DICER1: variants seen among roughly 807,000 people sequenced by gnomAD.
DICER1 encodes dicer 1, ribonuclease III.
A neutral mutation model predicts 194.1 loss-of-function variants in DICER1; 43 were observed. The ratio of observed to expected loss-of-function variants is 0.22; its 90% confidence interval spans 0.17 to 0.29. DICER1 has a LOEUF of 0.29. Among genes scored for constraint, DICER1 ranks in the 10% least tolerant of loss-of-function variants. The pLI is 1.00. For synonymous variants in DICER1, 832 were observed against 820.5 expected (o/e 1.01, Z -0.24); for missense variants, 1,608 against 2,317.0 (o/e 0.69, Z 6.28).
Position 95,108,515 on chromosome 14 carries a change from A to G in DICER1, c.2257-12T>C, listed in dbSNP as rs1566778201. ...AAACACTCTGGAATCTAGAGTTGGA[A>G]AGGAAAATTAAGCGTCATGCTCAAG... On this transcript the variant is annotated splice_polypyrimidine_tract_variant and intron_variant, in intron 14 of 26. Transcript: ENST00000343455. 6.2e-7 allele frequency: 1 copy of G among 1,612,562 alleles called. No homozygotes were observed. Among genetic ancestry groups the G allele is most frequent in the East Asian group, 2.2e-5 (1 of 44,864 alleles).
chr14:95,156,813 CAGGG>C (rs1895906758), intron 1 of DICER1, among the ~76,000 whole-genome samples: 1 of 152,150 alleles, frequency 6.6e-6, no homozygotes, highest in Admixed American at 6.5e-5. Flanking sequence ...AGGAGGGCCC[CAGGG>C]TGCTCCGGCA....
intron 8 of DICER1, 125 bp from the exon 9 acceptor site, chr14:95,117,879 G>C (rs567559646): frequency 3.5e-6 from 3 of 866,160 alleles, no homozygotes; most frequent in South Asian, 3.2e-5. Flanking sequence ...AAACGGTCTT[G>C]GTCCTTTTTT....
chr14:95,099,996 G>A, intron 21 of DICER1, 61 bp from the exon 22 acceptor site: 1 of 1,573,072 alleles, frequency 6.4e-7, no homozygotes, highest in Non-Finnish European at 8.7e-7. Flanking sequence ...TTCATTCAAG[G>A]CATATTAACA....
intron 1 of DICER1, among the ~76,000 whole-genome samples, chr14:95,146,685 T>G (rs1895157005): frequency 6.6e-6 from 1 of 152,164 alleles, no homozygotes; most frequent in Non-Finnish European, 1.5e-5. Flanking sequence ...AGCCACTAGC[T>G]GAGCCAGAGC....
intron 11 of DICER1, among the ~76,000 whole-genome samples, chr14:95,113,903 T>A (rs1441884531): frequency 2.0e-5 from 3 of 152,172 alleles, no homozygotes; most frequent in Non-Finnish European, 4.4e-5. Flanking sequence ...GGAGACTGGC[T>A]ACATACAGGA....
At position 95,086,743 on chromosome 14, in the gene DICER1, A is replaced by G; in HGVS notation, c.*3755T>C. ...CTCCAACAACTTTAAAAATCATTTT[A>G]ATAGTCTTGGTCTTAAACATATCTT... On this transcript the variant is annotated 3_prime_UTR_variant, in exon 27 of 27. Transcript: ENST00000343455. 4.3e-6 allele frequency: 1 copy of G among 232,980 alleles called. No individual in the cohort carries two copies. Among genetic ancestry groups the G allele is most frequent in the Non-Finnish European group, 8.5e-6 (1 of 117,790 alleles). 14.4% of individuals were successfully genotyped at this position (232,980 alleles called of 1,614,324 possible).
chr14:95,152,763 G>A (rs988269282), intron 1 of DICER1, among the ~76,000 whole-genome samples: 5 of 152,192 alleles, frequency 3.3e-5, no homozygotes, highest in African/African-American at 1.2e-4. Flanking sequence ...AAGCCATTTT[G>A]CACTCAGAAT....
chr14:95,086,651 T>C lies in DICER1; in HGVS notation c.*3847A>G, dbSNP rs1240382117. ...ATATTTACAAGTTAGTTGTGAAAAA[T>C]CATTTTCACTGCTAGTGGAAAATAC... On this transcript the variant is annotated 3_prime_UTR_variant, in exon 27 of 27. Transcript: ENST00000343455. 2 of 233,178 alleles carry C rather than the reference T, an allele frequency of 8.6e-6. No homozygotes were observed. The highest frequency in any genetic ancestry group is 1.7e-5 in the Non-Finnish European group (2 of 117,866). 14.4% of individuals were successfully genotyped at this position (233,178 alleles called of 1,614,324 possible).
intron 10 of DICER1, among the ~76,000 whole-genome samples, chr14:95,116,131 T>C (rs1230045722): frequency 6.6e-6 from 1 of 152,086 alleles, no homozygotes; most frequent in Non-Finnish European, 1.5e-5. Context: ...TGTCATCATT[T>C]TCCAATCACT....
intron 1 of DICER1, among the ~76,000 whole-genome samples, chr14:95,146,161 A>C (rs1430070401): frequency 6.6e-6 from 1 of 152,196 alleles, no homozygotes; most frequent in Non-Finnish European, 1.5e-5. Context: ...TTCAAATCAA[A>C]GACAGTTTAA....
At chr14:95,122,998 T>C (rs948685028) in intron 8 of DICER1, among the ~76,000 whole-genome samples, 60 of 151,596 alleles carry the variant, frequency 4.0e-4, no homozygotes, top group Admixed American at 5.2e-4. Context: ...CAAATTACCT[T>C]AGGAAGCAAA....
intron 9 of DICER1, 52 bp downstream of exon 9, chr14:95,117,570 T>G (rs1892586057): frequency 6.2e-7 from 1 of 1,600,474 alleles, no homozygotes; most frequent in Non-Finnish European, 8.6e-7. Context: ...GGGCACTTTG[T>G]CTGTATATGT....
At chr14:95,107,335 C>T (rs1891516560) in intron 17 of DICER1, among the ~76,000 whole-genome samples, 1 of 151,472 alleles carries the variant, frequency 6.6e-6, no homozygotes. Flanking sequence ...ACTGCAATCT[C>T]CGCCTCCTAG....
intron 1 of DICER1, among the ~76,000 whole-genome samples, chr14:95,139,956 G>A (rs1894723672): frequency 6.6e-6 from 1 of 152,146 alleles, no homozygotes. Context: ...CAGGTAATCT[G>A]TAATATAAAA....
rs1366139441 is a variant in DICER1, at chr14:95,087,292, G to A, written c.*3206C>T. ...TATTTTAAAAGACAATTACAGGAGTGTTAGAGGTCATTCTAAATTTCATCA... is the reference window on the plus strand; with the variant it reads ...TATTTTAAAAGACAATTACAGGAGTATTAGAGGTCATTCTAAATTTCATCA... On this transcript the variant is annotated 3_prime_UTR_variant, in exon 27 of 27. Transcript: ENST00000343455. 4.3e-6 allele frequency: 1 copy of A among 233,034 alleles called. No individual in the cohort carries two copies. The highest frequency in any genetic ancestry group is 2.2e-5 in the African/African-American group (1 of 45,298). The allele number at this position is 233,034 out of a possible 1,614,324, so 14.4% of individuals were successfully genotyped here. A position where few individuals can be genotyped will look rare whatever the true frequency, so the allele number is the denominator to read the frequency against.
intron 1 of DICER1, among the ~76,000 whole-genome samples, chr14:95,153,223 A>T (rs536714429): frequency 1.2e-4 from 18 of 152,078 alleles, no homozygotes; most frequent in Admixed American, 9.2e-4. Flanking sequence ...TCTCAAAAAA[A>T]AAAAAAAGAC....
chr14:95,153,086 G>A (rs192396723), intron 1 of DICER1, among the ~76,000 whole-genome samples: 25 of 152,174 alleles, frequency 1.6e-4, no homozygotes, highest in African/African-American at 4.8e-4. Context: ...GTGTGGTGGC[G>A]GGCACCTGTA....
rs1273522896 is a variant in DICER1 at position 95,096,416 on chromosome 14, C to T, written c.4504G>A (p.Asp1502Asn). ...CACATTGCATCCCAAGAGCTGTAGT[C>T]AAAATCCTCAAAATCTGATGAAAAT... is the stretch of plus-strand genomic sequence containing the variant. Reference protein sequence around the residue: ...MPFSSDFEDFDYSSWDAMCYL... With the variant: ...MPFSSDFEDFNYSSWDAMCYL... Residue 1502 changes from aspartate to asparagine, a missense_variant, in exon 23 of 27, where the codon GAC becomes AAC. By Grantham distance (23) the Asp-to-Asn change is conservative. Coordinates refer to ENST00000343455, the MANE Select transcript of DICER1 (RefSeq NM_177438.3). 5 of 1,614,082 alleles carry T rather than the reference C, an allele frequency of 3.1e-6. No homozygotes were observed. The highest frequency in any genetic ancestry group is 4.2e-6 in the Non-Finnish European group (5 of 1,180,054).
intron 1 of DICER1, among the ~76,000 whole-genome samples, chr14:95,138,612 T>C (rs1205953586): frequency 6.6e-6 from 1 of 152,118 alleles, no homozygotes; most frequent in Non-Finnish European, 1.5e-5. Flanking sequence ...TAGTCCCAAA[T>C]GTACTCTGAA....
Sources: gnomAD v4.1 joint callset for allele counts (sites outside exome capture counted in the v4.1 genomes callset) on GRCh38, gnomAD v4.1.1 for gene constraint, MANE v1.5 for transcripts, NCBI Gene and HGNC (gene_info 2026-07-23, HGNC 2026-07-21) for gene names.